The following PRKD1 variants were observed in gnomAD, a reference collection of about 807,000 sequenced individuals.
The protein encoded by PRKD1 is serine/threonine-protein kinase D1.
PRKD1 carries 63 observed loss-of-function variants against 95.9 expected under a neutral mutation model. The ratio of observed to expected loss-of-function variants is 0.66; its 90% CI spans 0.54 to 0.81. The LOEUF (loss-of-function observed/expected upper bound fraction) is 0.81. Among genes scored for constraint, PRKD1 ranks in the 30% least tolerant of loss-of-function variants. The probability of loss-of-function intolerance (pLI) is 0.00; values close to 1 mark genes in which losing one functional copy is unlikely to be tolerated. For missense variants in PRKD1, 1,048 were observed against 1,165.3 expected, an observed-to-expected ratio of 0.90 and a Z score of 1.47; for synonymous variants, 425 against 423.1, an observed-to-expected ratio of 1.00 and a Z score of -0.05.
At chr14:29,877,022 T>A (rs2095310) in intron 1 of PRKD1, among the ~76,000 whole-genome samples, 1 of 151,912 alleles carries the variant, frequency 6.6e-6, no homozygotes, top group African/African-American at 2.4e-5. Context: ...TGTGGTGGTG[T>A]GTGCCTGTAA....
chr14:29,638,617 A>G (rs1159273804), intron 5 of PRKD1, 51 bp from the exon 6 acceptor site: 1 of 1,612,960 alleles, frequency 6.2e-7, no homozygotes, highest in Non-Finnish European at 8.5e-7. Context: ...GTCATAAAGA[A>G]AAGTGGTAAC....
At chr14:29,840,744 T>C (rs1225199416) in intron 1 of PRKD1, among the ~76,000 whole-genome samples, 1 of 152,160 alleles carries the variant, frequency 6.6e-6, no homozygotes, top group Non-Finnish European at 1.5e-5. Context: ...GAAAGAGAGC[T>C]TGTGCAGAGA....
chr14:29,629,142 G>C, intron 10 of PRKD1, 49 bp from the exon 11 acceptor site: 2 of 1,518,934 alleles, frequency 1.3e-6, no homozygotes, highest in Non-Finnish European at 1.8e-6. Flanking sequence ...AGTAAGAGAT[G>C]TAATAGCAAA....
At chr14:29,821,406 C>G (rs981212250) in intron 1 of PRKD1, among the ~76,000 whole-genome samples, 1 of 152,186 alleles carries the variant, frequency 6.6e-6, no homozygotes, top group Non-Finnish European at 1.5e-5. Flanking sequence ...ATTCAATTCA[C>G]TAAGGTCTAT....
At chr14:29,753,091 A>G (rs980845675) in intron 1 of PRKD1, among the ~76,000 whole-genome samples, 2 of 152,168 alleles carry the variant, frequency 1.3e-5, no homozygotes, top group African/African-American at 4.8e-5. Context: ...CAAATGGAAA[A>G]GCAAGTCAAT....
intron 1 of PRKD1, among the ~76,000 whole-genome samples, chr14:29,905,168 C>A (rs1310221577): frequency 6.6e-6 from 1 of 152,146 alleles, no homozygotes; most frequent in Non-Finnish European, 1.5e-5. Context: ...TGGCGCTCAA[C>A]CGAGGGGATT....
intron 1 of PRKD1, among the ~76,000 whole-genome samples, chr14:29,845,523 T>C (rs149280953): frequency 3.3e-5 from 5 of 152,274 alleles, no homozygotes; most frequent in Admixed American, 6.5e-5. Flanking sequence ...GACAATGGGA[T>C]AGAAATAAAT....
chr14:29,673,280 A>AT (rs1413819392), intron 2 of PRKD1, among the ~76,000 whole-genome samples: 1 of 152,222 alleles, frequency 6.6e-6, no homozygotes, highest in Non-Finnish European at 1.5e-5. Context: ...AAATGGGATT[A>AT]TTTTATGCCA....
intron 1 of PRKD1, among the ~76,000 whole-genome samples, chr14:29,913,239 G>T (rs1386740916): frequency 6.6e-6 from 1 of 152,196 alleles, no homozygotes; most frequent in Non-Finnish European, 1.5e-5. Context: ...TAATATACAT[G>T]ATTTGATGAC....
At chr14:29,852,535 G>GGA (rs34211278) in intron 1 of PRKD1, among the ~76,000 whole-genome samples, 2,309 of 149,190 alleles carry the variant, frequency 0.015, 35 homozygotes, top group African/African-American at 0.04. Context: ...ACCAGAAGGA[G>GGA]GAGAGAGAGA....
intron 13 of PRKD1, among the ~76,000 whole-genome samples, chr14:29,607,085 C>T (rs912267778): frequency 6.6e-6 from 1 of 152,180 alleles, no homozygotes; most frequent in African/African-American, 2.4e-5. Context: ...TGGAATTGTG[C>T]CTGGCACATA....
At chr14:29,596,111 G>A (rs1444889622) in intron 16 of PRKD1, among the ~76,000 whole-genome samples, 1 of 152,224 alleles carries the variant, frequency 6.6e-6, no homozygotes, top group Admixed American at 6.5e-5. Context: ...ATTAGAGGAT[G>A]TTAAAGGTTG....
chr14:29,767,037 AAATTTTG>A (rs1301285153), intron 1 of PRKD1, among the ~76,000 whole-genome samples: 2 of 152,166 alleles, frequency 1.3e-5, no homozygotes, highest in Non-Finnish European at 2.9e-5. Flanking sequence ...TATCATGTGC[AAATTTTG>A]AAAGTTTCTT....
At chr14:29,801,768 A>T (rs550719394) in intron 1 of PRKD1, among the ~76,000 whole-genome samples, 123 of 152,096 alleles carry the variant, frequency 8.1e-4, no homozygotes, top group Non-Finnish European at 1.4e-3. Context: ...GGCTCATCGC[A>T]ACCTCCGCCT....
chr14:29,663,463 G>A (rs548551556), intron 4 of PRKD1, among the ~76,000 whole-genome samples: 47 of 152,112 alleles, frequency 3.1e-4, no homozygotes, highest in African/African-American at 1.1e-3. Flanking sequence ...CTGTGACCAC[G>A]ATAAAACCTC....
intron 4 of PRKD1, among the ~76,000 whole-genome samples, chr14:29,660,795 A>G (rs1250026176): frequency 6.6e-6 from 1 of 152,156 alleles, no homozygotes; most frequent in Non-Finnish European, 1.5e-5. Flanking sequence ...CAGTTGCCCA[A>G]AAGTCCATAA....
chr14:29,824,840 A>T (rs921629974), intron 1 of PRKD1, among the ~76,000 whole-genome samples: 30 of 152,138 alleles, frequency 2.0e-4, no homozygotes, highest in African/African-American at 4.3e-4. Context: ...ATATATATAT[A>T]TTTTTAATTA....
At chr14:29,678,896 A>G (rs10130086) in intron 2 of PRKD1, among the ~76,000 whole-genome samples, 78,975 of 152,082 alleles carry the variant, frequency 0.52, 23,142 homozygotes, top group African/African-American at 0.8. Flanking sequence ...ATTAGAAATG[A>G]TAAGCATTAA....
At chr14:29,745,273 T>G (rs963900327) in intron 1 of PRKD1, among the ~76,000 whole-genome samples, 2 of 152,146 alleles carry the variant, frequency 1.3e-5, no homozygotes, top group Non-Finnish European at 2.9e-5. Context: ...TAAAAAAGAA[T>G]TCTGTCTCTT....
Sources: gnomAD v4.1 joint callset for allele counts (sites outside exome capture counted in the v4.1 genomes callset) on GRCh38, gnomAD v4.1.1 for gene constraint, MANE v1.5 for transcripts, NCBI Gene and HGNC (gene_info 2026-07-23, HGNC 2026-07-21) for gene names.